The following XPOT variants were observed in gnomAD, a reference collection of about 807,000 sequenced individuals.
XPOT encodes the protein exportin-T.
A neutral mutation model predicts 128.2 loss-of-function variants in XPOT; 34 were observed. The observed-to-expected ratio is 0.27, with a 90% CI of 0.20 to 0.35. The LOEUF is 0.35. Ranked by LOEUF, XPOT falls within the 10% of genes least tolerant of loss-of-function variation. The pLI, the probability that XPOT is intolerant of heterozygous loss-of-function variation, is 1.00. For synonymous variants in XPOT, 348 were observed against 394.3 expected (o/e 0.88, Z 1.39); for missense variants, 838 against 1,125.3 (o/e 0.74, Z 3.65).
intron 23 of XPOT, chr12:64,442,924 C>G (rs1178363027): frequency 6.5e-6 from 1 of 153,066 alleles, no homozygotes; most frequent in Non-Finnish European, 1.5e-5. Context: ...CGGCTCATTG[C>G]AACCTCTGCC....
intron 16 of XPOT, among the ~76,000 whole-genome samples, chr12:64,428,858 G>T (rs1269367131): frequency 6.6e-6 from 1 of 152,122 alleles, no homozygotes; most frequent in Non-Finnish European, 1.5e-5. Context: ...TTATAAAAAT[G>T]ACAGTTACAT....
chr12:64,421,806 A>C (rs1293973392), intron 9 of XPOT, among the ~76,000 whole-genome samples: 1 of 151,776 alleles, frequency 6.6e-6, no homozygotes, highest in Non-Finnish European at 1.5e-5. Flanking sequence ...TTCATTTCTC[A>C]TAAACAATTT....
At chr12:64,434,379 T>C in intron 19 of XPOT, 128 bp from the exon 20 acceptor site, 6 of 636,624 alleles carry the variant, frequency 9.4e-6, no homozygotes, top group South Asian at 9.1e-5. Flanking sequence ...AATGCTTTTT[T>C]CCCCCTTCAT....
chr12:64,425,710 T>C, intron 14 of XPOT, 105 bp from the exon 15 acceptor site: 1 of 1,161,294 alleles, frequency 8.6e-7, no homozygotes, highest in Non-Finnish European at 1.3e-6. Flanking sequence ...TCCCTGCCTT[T>C]TAGGAGCTAA....
At chr12:64,435,296 G>A (rs2040273484) in intron 21 of XPOT, among the ~76,000 whole-genome samples, 1 of 152,142 alleles carries the variant, frequency 6.6e-6, no homozygotes, top group Non-Finnish European at 1.5e-5. Flanking sequence ...CTCCTTGTAT[G>A]ATAGTTTCCC....
At chr12:64,416,009 C>A (rs756036801) in intron 3 of XPOT, among the ~76,000 whole-genome samples, 1 of 152,166 alleles carries the variant, frequency 6.6e-6, no homozygotes, top group Admixed American at 6.5e-5. Context: ...GAAATAGGAA[C>A]TCTCTTATAC....
At chr12:64,446,123 C>A (rs2040365313) in intron 24 of XPOT, among the ~76,000 whole-genome samples, 1 of 152,130 alleles carries the variant, frequency 6.6e-6, no homozygotes, top group Non-Finnish European at 1.5e-5. Context: ...AAGCAAAGTG[C>A]CTACAGGAGT....
At chr12:64,417,823 A>G (rs1303588360) in intron 4 of XPOT, among the ~76,000 whole-genome samples, 5 of 152,222 alleles carry the variant, frequency 3.3e-5, no homozygotes, top group African/African-American at 1.2e-4. Flanking sequence ...ATTTGTTTCA[A>G]CATGAACAGA....
chr12:64,448,029 A>C, intron 24 of XPOT, 76 bp from the exon 25 acceptor site: 1 of 1,322,182 alleles, frequency 7.6e-7, no homozygotes, highest in South Asian at 1.2e-5. Flanking sequence ...TAGCACTCAG[A>C]TACTTGGAGC....
At chr12:64,424,857 G>A (rs1169593395) in intron 12 of XPOT, 134 bp downstream of exon 12, 2 of 1,355,888 alleles carry the variant, frequency 1.5e-6, no homozygotes, top group Non-Finnish European at 1.0e-6. Flanking sequence ...TGGAAACAAT[G>A]CACTTGTCTT....
chr12:64,426,817 T>C (rs2040196674), intron 15 of XPOT, among the ~76,000 whole-genome samples: 1 of 152,060 alleles, frequency 6.6e-6, no homozygotes, highest in African/African-American at 2.4e-5. Flanking sequence ...ACCCGGTCTC[T>C]ACTAAAAATA....
At chr12:64,432,577 CA>C (rs2040249019) in intron 18 of XPOT, among the ~76,000 whole-genome samples, 1 of 152,114 alleles carries the variant, frequency 6.6e-6, no homozygotes, top group African/African-American at 2.4e-5. Flanking sequence ...CTGTTCTAAG[CA>C]TTTTTTGTAC....
chr12:64,429,569 C>T (rs145853828), intron 16 of XPOT, among the ~76,000 whole-genome samples: 94 of 151,892 alleles, frequency 6.2e-4, no homozygotes, highest in African/African-American at 2.2e-3. Context: ...CAGCCTCCCG[C>T]GTAGCTGGGA....
In XPOT at chr12:64,434,841, A is replaced by G. The variant is rs1179665462; in HGVS notation, c.2617A>G (p.Ile873Val). ...VGFADFVYKH[I>V]VPACFLAPLK... Reference sequence around the variant, plus strand: ...ATTTGCTGATTTTGTTTATAAGCACATTGTCCCCGCATGTTTCCTAGCACC... The same window carrying G: ...ATTTGCTGATTTTGTTTATAAGCACGTTGTCCCCGCATGTTTCCTAGCACC... Residue 873 changes from isoleucine to valine, a missense_variant, in exon 21 of 25, where the codon ATT becomes GTT. Physicochemically the swap from Ile to Val is conservative, Grantham distance 29. Transcript: ENST00000332707. The G allele has an allele frequency of 6.2e-7, 1 of 1,612,184 alleles. No individual in the cohort carries two copies.
chr12:64,424,904 A>G (rs2040176062), intron 12 of XPOT, 134 bp from the exon 13 acceptor site: 3 of 1,334,814 alleles, frequency 2.2e-6, no homozygotes, highest in Non-Finnish European at 3.1e-6. Flanking sequence ...TTTGTGATGT[A>G]TTGCCTGGGA....
intron 23 of XPOT, among the ~76,000 whole-genome samples, 171 bp downstream of exon 23, chr12:64,439,486 G>A (rs1396540965): frequency 2.6e-5 from 4 of 152,162 alleles, no homozygotes; most frequent in Non-Finnish European, 5.9e-5. Flanking sequence ...GAGTTACTAA[G>A]TAATATCACT....
intron 21 of XPOT, 99 bp from the exon 22 acceptor site, chr12:64,435,528 A>C: frequency 4.3e-6 from 4 of 940,962 alleles, no homozygotes; most frequent in East Asian, 3.2e-5. Flanking sequence ...GGAAATATTT[A>C]TTTGAATTTC....
chr12:64,413,058 C>G (rs2040055362), intron 2 of XPOT, among the ~76,000 whole-genome samples: 1 of 152,146 alleles, frequency 6.6e-6, no homozygotes, highest in Non-Finnish European at 1.5e-5. Flanking sequence ...TCCCTTCTCC[C>G]CTTCCCAGAG....
At chr12:64,431,901 CCTTGGGTTT>C in intron 18 of XPOT, 78 bp downstream of exon 18, 1 of 1,473,776 alleles carries the variant, frequency 6.8e-7, no homozygotes, top group Middle Eastern at 1.8e-4. Flanking sequence ...CGGATTTTGC[CCTTGGGTTT>C]CTTTTTTTTT....
Sources: allele counts gnomAD v4.1 joint callset (sites outside exome capture counted in the v4.1 genomes callset), GRCh38; gene constraint gnomAD v4.1.1; transcripts MANE v1.5; gene names NCBI Gene and HGNC (gene_info 2026-07-23, HGNC 2026-07-21).